ZNF385B: variants seen among roughly 807,000 people sequenced by gnomAD.
The protein encoded by ZNF385B is zinc finger protein 533.
Under a neutral mutation model 39.2 loss-of-function variants are expected in ZNF385B, and 23 were observed. That is an observed-to-expected ratio of 0.59 (90% confidence interval 0.42 to 0.83). The LOEUF is 0.83. Ranked by LOEUF, ZNF385B falls within the 40% of genes least tolerant of loss-of-function variation. The pLI, the probability that ZNF385B is intolerant of heterozygous loss-of-function variation, is 0.00. For missense variants in ZNF385B, 552 were observed against 598.9 expected, an observed-to-expected ratio of 0.92 and a Z score of 0.82; for synonymous variants, 205 against 222.6, an observed-to-expected ratio of 0.92 and a Z score of 0.70.
Position 179,845,419 on chromosome 2 carries a change from G to A in ZNF385B, c.-155+15682C>T, listed in dbSNP as rs145016110. Among the ~76,000 whole-genome samples the A allele has an allele frequency of 2.2e-3, 336 of 152,258 alleles. 2 individuals are homozygous for A. The highest frequency in any genetic ancestry group is 7.5e-3 in the African/African-American group (310 of 41,554). Reference sequence around the variant, plus strand: ...CAACAGTAGGTGGGCTGTGGTTAGCGTAGGCAGTTCAACCCAGGGTACTCT... The same window carrying A: ...CAACAGTAGGTGGGCTGTGGTTAGCATAGGCAGTTCAACCCAGGGTACTCT... On this transcript the variant is annotated intron_variant, in intron 1 of 9. Transcript: ENST00000410066.
chr2:179,670,068 G>T (rs1695714092), intron 3 of ZNF385B, among the ~76,000 whole-genome samples: 1 of 151,986 alleles, frequency 6.6e-6, no homozygotes, highest in African/African-American at 2.4e-5. Flanking sequence ...GAGGCGGGCG[G>T]ATCACGAGGT....
At chr2:179,790,786 T>A (rs1484122255) in intron 1 of ZNF385B, among the ~76,000 whole-genome samples, 1 of 152,212 alleles carries the variant, frequency 6.6e-6, no homozygotes, top group African/African-American at 2.4e-5. Flanking sequence ...ATCAAATTCC[T>A]CCTCTGTAAA....
chr2:179,451,336 T>C (rs76255534), intron 6 of ZNF385B, among the ~76,000 whole-genome samples: 17 of 151,858 alleles, frequency 1.1e-4, no homozygotes, highest in African/African-American at 4.1e-4. Flanking sequence ...AGGAAATACC[T>C]AGGTATTAGA....
chr2:179,663,175 A>T (rs1161197764), intron 3 of ZNF385B, among the ~76,000 whole-genome samples: 2 of 152,190 alleles, frequency 1.3e-5, no homozygotes, highest in Non-Finnish European at 2.9e-5. Flanking sequence ...TGCTACACAT[A>T]TTTAAGTTAT....
chr2:179,570,421 G>A (rs905669014), intron 3 of ZNF385B, among the ~76,000 whole-genome samples: 1 of 152,184 alleles, frequency 6.6e-6, no homozygotes, highest in African/African-American at 2.4e-5. Context: ...TAGCCTTAGA[G>A]CCAGACCCCA....
chr2:179,592,765 G>A (rs1330297204), intron 3 of ZNF385B, among the ~76,000 whole-genome samples: 3 of 152,078 alleles, frequency 2.0e-5, no homozygotes, highest in Non-Finnish European at 4.4e-5. Flanking sequence ...CTACTTGAAG[G>A]CCGTATGTCT....
chr2:179,660,630 G>A (rs1282110258), intron 3 of ZNF385B, among the ~76,000 whole-genome samples: 1 of 152,046 alleles, frequency 6.6e-6, no homozygotes, highest in Non-Finnish European at 1.5e-5. Flanking sequence ...TCGGTGCTAT[G>A]AGCTTGAACC....
intron 1 of ZNF385B, among the ~76,000 whole-genome samples, chr2:179,773,609 T>A (rs1704138032): frequency 6.6e-6 from 1 of 152,220 alleles, no homozygotes; most frequent in Non-Finnish European, 1.5e-5. Context: ...TATATAGTTT[T>A]ATGACATATA....
At chr2:179,538,330 A>G (rs1260217272) in intron 4 of ZNF385B, among the ~76,000 whole-genome samples, 1 of 152,186 alleles carries the variant, frequency 6.6e-6, no homozygotes, top group Non-Finnish European at 1.5e-5. Context: ...AGACTTCATT[A>G]AATAGATAAA....
intron 3 of ZNF385B, among the ~76,000 whole-genome samples, chr2:179,751,059 T>G (rs1559159652): frequency 6.6e-6 from 1 of 152,124 alleles, no homozygotes; most frequent in Admixed American, 6.6e-5. Context: ...TGATATCTCT[T>G]AAAATGGAGA....
intron 6 of ZNF385B, among the ~76,000 whole-genome samples, chr2:179,478,311 A>C (rs2053642451): frequency 6.6e-6 from 1 of 152,230 alleles, no homozygotes; most frequent in Non-Finnish European, 1.5e-5. Flanking sequence ...CCTTCTGTTC[A>C]CTGTTGCACC....
intron 1 of ZNF385B, among the ~76,000 whole-genome samples, chr2:179,792,375 C>CTTTTTTTTTT (rs374147864): frequency 8.1e-6 from 1 of 124,126 alleles, no homozygotes; most frequent in Non-Finnish European, 1.6e-5. Context: ...ATTTTCTTTT[C>CTTTTTTTTTT]TTTTTTTTTT....
chr2:179,755,267 T>C (rs1702938631), intron 3 of ZNF385B, among the ~76,000 whole-genome samples: 1 of 152,242 alleles, frequency 6.6e-6, no homozygotes, highest in Non-Finnish European at 1.5e-5. Context: ...AATCCTGAAT[T>C]CTAGTTTGAT....
chr2:179,512,900 G>A (rs1421572404), intron 5 of ZNF385B, among the ~76,000 whole-genome samples: 2 of 152,192 alleles, frequency 1.3e-5, no homozygotes, highest in Non-Finnish European at 2.9e-5. Context: ...TGTAAATAAA[G>A]CTGTAGCATT....
At chr2:179,841,503 G>A (rs893828465) in intron 1 of ZNF385B, among the ~76,000 whole-genome samples, 3 of 152,194 alleles carry the variant, frequency 2.0e-5, no homozygotes, top group Non-Finnish European at 2.9e-5. Context: ...TTGCTGAAAT[G>A]TAATTTGTGT....
At chr2:179,682,339 G>A (rs1343452382) in intron 3 of ZNF385B, among the ~76,000 whole-genome samples, 1 of 152,172 alleles carries the variant, frequency 6.6e-6, no homozygotes, top group Non-Finnish European at 1.5e-5. Flanking sequence ...GATTTGCTGG[G>A]TCTACATGTC....
At chr2:179,860,139 T>C (rs1314213342) in intron 1 of ZNF385B, among the ~76,000 whole-genome samples, 1 of 152,290 alleles carries the variant, frequency 6.6e-6, no homozygotes, top group Admixed American at 6.5e-5. Flanking sequence ...CCCCTTGGTG[T>C]GATATTCCTC....
intron 3 of ZNF385B, among the ~76,000 whole-genome samples, chr2:179,642,207 T>A (rs2138193): frequency 0.3 from 45,151 of 152,088 alleles, 7,780 homozygotes; most frequent in Non-Finnish European, 0.39. Context: ...AATCATTTGG[T>A]CTTGTCTTCT....
At chr2:179,793,272 G>T (rs182851981) in intron 1 of ZNF385B, among the ~76,000 whole-genome samples, 16 of 152,332 alleles carry the variant, frequency 1.1e-4, no homozygotes, top group Admixed American at 1.0e-3. Flanking sequence ...ACTTGCAAGA[G>T]AAAAGAAATG....
Sources: allele counts gnomAD v4.1 joint callset (sites outside exome capture counted in the v4.1 genomes callset), GRCh38; gene constraint gnomAD v4.1.1; transcripts MANE v1.5; gene names NCBI Gene and HGNC (gene_info 2026-07-23, HGNC 2026-07-21).